The following MYOM3 variants were observed in gnomAD, a reference collection of about 807,000 sequenced individuals.
The protein encoded by MYOM3 is myomesin 3, also known as myomesin-3.
In MYOM3, 155 loss-of-function variants were observed where a neutral mutation model predicts 191.7. That is an observed-to-expected ratio of 0.81 (90% CI 0.71 to 0.92). The LOEUF is 0.92. MYOM3 is among the 40% of genes least tolerant of loss of function. The probability of loss-of-function intolerance (pLI) is 0.00; values close to 1 mark genes in which losing one functional copy is unlikely to be tolerated. For synonymous variants in MYOM3, 757 were observed against 762.9 expected (o/e 0.99, Z 0.13); for missense variants, 1,889 against 1,890.6 (o/e 1.00, Z 0.02).
rs1274389087 is a variant in MYOM3, at chr1:24,093,100, G to A, written c.937C>T (p.Leu313=). ...ATCTTCCGACGTCTCGAGGACCTCA[G>A]TAGGCTCCCTGTGGAGGGGAAGTGG... The part of the protein sequence containing the change: ...SIQWFRDGSL[L]RSSRRRKILY... The change falls in exon 10 of 37, where the codon CTG becomes TTG. Residue 313 remains leucine, a synonymous_variant. Transcript: ENST00000374434. 1 of 1,608,428 alleles carries A rather than the reference G, an allele frequency of 6.2e-7. No homozygotes were observed.
At chr1:24,089,102 T>G (rs1464613194) in intron 14 of MYOM3, among the ~76,000 whole-genome samples, 1 of 152,192 alleles carries the variant, frequency 6.6e-6, no homozygotes, top group African/African-American at 2.4e-5. Flanking sequence ...CTCCTAGTGC[T>G]AATCACACCA....
rs1167055831 is a variant in MYOM3, at chr1:24,092,964, G to A, written c.1073C>T (p.Thr358Ile). ...GCCCTCACCTCTCACAAGCACGTAG[G>A]TGCTCTGTTCCCGGGGTCCGAAGGG... is the stretch of plus-strand genomic sequence containing the variant. Reference protein sequence around the residue: ...PSPFGPREQSTYVLVRDAEAE... With the variant: ...PSPFGPREQSIYVLVRDAEAE... Residue 358 changes from threonine (T) to isoleucine (I), a missense_variant, in exon 10 of 37, where the codon ACC (threonine) becomes ATC (isoleucine). Coordinates refer to ENST00000374434, the MANE Select transcript of MYOM3 (RefSeq NM_152372.4). 1 of 1,594,280 alleles carries A rather than the reference G, an allele frequency of 6.3e-7. No individual in the cohort carries two copies. Among genetic ancestry groups the A allele is most frequent in the Non-Finnish European group, 8.5e-7 (1 of 1,171,956 alleles).
intron 21 of MYOM3, 59 bp from the exon 22 acceptor site, chr1:24,075,534 C>A (rs1361418477): frequency 1.0e-5 from 15 of 1,487,250 alleles, no homozygotes; most frequent in Non-Finnish European, 1.3e-5. Context: ...CCAGGTCACA[C>A]CCCTCCCCTG....
At chr1:24,072,862 C>T (rs1392310032) in intron 23 of MYOM3, among the ~76,000 whole-genome samples, 4 of 152,144 alleles carry the variant, frequency 2.6e-5, no homozygotes, top group Admixed American at 6.6e-5. Context: ...TGTTGCCTTT[C>T]CTGCTAAGGC....
intron 27 of MYOM3, 131 bp from the exon 28 acceptor site, chr1:24,067,219 G>T: frequency 1.2e-6 from 1 of 844,604 alleles, no homozygotes; most frequent in South Asian, 1.8e-5. Flanking sequence ...CTCTGCCAGG[G>T]CTGGGACTGG....
chr1:24,105,071 C>T (rs1350266147), intron 5 of MYOM3, among the ~76,000 whole-genome samples: 3 of 152,162 alleles, frequency 2.0e-5, no homozygotes, highest in Non-Finnish European at 4.4e-5. Context: ...GCAGGAGACC[C>T]CTGCCCCTGC....
chr1:24,107,892 A>T, intron 3 of MYOM3, 101 bp downstream of exon 3: 1 of 997,026 alleles, frequency 1.0e-6, no homozygotes, highest in Non-Finnish European at 1.5e-6. Flanking sequence ...GATTTTGGGC[A>T]GGTTCTTTAC....
rs1312840523 is a variant in MYOM3, at chr1:24,082,550, C to T, written c.2092+43G>A. 9.2e-6 allele frequency: 14 copies of T among 1,525,568 alleles called. No homozygotes were observed. The African/African-American group carries it at 1.8e-4, about 20-fold the overall frequency. The allele number at this position is 1,525,568 out of a possible 1,614,324, so 94.5% of individuals were successfully genotyped here. ...GATCTATGAGCCCCAGCTCCCTGCCCAGCCCAGGGAGGTTTGCAGGCTGGA... is the reference window on the plus strand; with the variant it reads ...GATCTATGAGCCCCAGCTCCCTGCCTAGCCCAGGGAGGTTTGCAGGCTGGA... On this transcript the variant is annotated intron_variant, in intron 17 of 36. Coordinates refer to ENST00000374434, the MANE Select transcript of MYOM3 (RefSeq NM_152372.4).
chr1:24,108,264 G>C, intron 2 of MYOM3, 191 bp from the exon 3 acceptor site: 1 of 739,796 alleles, frequency 1.4e-6, no homozygotes, highest in Non-Finnish European at 2.2e-6. Context: ...CCTCAAACAG[G>C]GTTTCCAGAG....
At chr1:24,058,690 C>G (rs1342347491) in intron 36 of MYOM3, among the ~76,000 whole-genome samples, 1 of 152,146 alleles carries the variant, frequency 6.6e-6, no homozygotes, top group Non-Finnish European at 1.5e-5. Flanking sequence ...AGGTAGAAGT[C>G]TAGGATGCCC....
rs1029380629 is a variant in MYOM3 at position 24,111,185 on chromosome 1, G to A, written c.-19+846C>T. 5.3e-5 allele frequency among the ~76,000 whole-genome samples: 8 copies of A among 152,222 alleles called. No homozygotes were observed. The highest frequency in any genetic ancestry group is 9.6e-5 in the African/African-American group (4 of 41,456). Reference sequence around the variant, plus strand: ...TTCCCGGAACACTGTGTGTGCCTGCGTGGAGGGGAAACTGCCCCCGCTTCC... The same window carrying A: ...TTCCCGGAACACTGTGTGTGCCTGCATGGAGGGGAAACTGCCCCCGCTTCC... On this transcript the variant is annotated intron_variant, in intron 1 of 36. Coordinates refer to ENST00000374434, the MANE Select transcript of MYOM3 (RefSeq NM_152372.4). This position sits in a 1 kb window ranked among gnomAD's most constrained non-coding sequence, Gnocchi z 4.7.
rs762853974 is a variant in MYOM3, at chr1:24,066,016, G to A, written c.3424-15C>T. ...GTGTTGGTCACCTGGGGAAGGTGGG[G>A]AATGAGGAGACTCTGTCAGGCTTGT... On this transcript the variant is annotated splice_polypyrimidine_tract_variant and intron_variant, in intron 28 of 36. Transcript: ENST00000374434. 3.3e-6 allele frequency: 5 copies of A among 1,518,994 alleles called. No individual in the cohort carries two copies. The Admixed American group carries it at 6.7e-5, about 20-fold the overall frequency. The allele number at this position is 1,518,994 out of a possible 1,614,324, so 94.1% of individuals were successfully genotyped here.
chr1:24,065,539 G>T (rs1268374220), intron 29 of MYOM3, among the ~76,000 whole-genome samples: 2 of 152,192 alleles, frequency 1.3e-5, no homozygotes, highest in African/African-American at 2.4e-5. Context: ...CGCTCATGTT[G>T]CAGATGAAAG....
intron 5 of MYOM3, among the ~76,000 whole-genome samples, chr1:24,104,843 T>C (rs1215300197): frequency 6.6e-6 from 1 of 152,220 alleles, no homozygotes; most frequent in African/African-American, 2.4e-5. Flanking sequence ...TGTTTGGTTA[T>C]TTGTGTGCCC....
intron 2 of MYOM3, 191 bp from the exon 3 acceptor site, chr1:24,108,264 G>T: frequency 1.4e-6 from 1 of 739,796 alleles, no homozygotes; most frequent in South Asian, 1.9e-5. Flanking sequence ...CCTCAAACAG[G>T]GTTTCCAGAG....
At position 24,060,127 on chromosome 1, in the gene MYOM3, A is replaced by G. The variant is rs377726496; in HGVS notation, c.3994+933T>C. Among the ~76,000 whole-genome samples, 382 of 152,272 alleles carry G rather than the reference A, an allele frequency of 2.5e-3. 1 individual carries two copies. The highest frequency in any genetic ancestry group is 4.5e-3 in the Non-Finnish European group (306 of 68,008). The stretch of plus-strand genomic sequence containing the variant: ...GCTTCTGTTCAGGATGACGCATTCC[A>G]CTATGGGCAGGGACATTCTCACTGG... On this transcript the variant is annotated intron_variant, in intron 35 of 36. Coordinates refer to ENST00000374434, the MANE Select transcript of MYOM3 (RefSeq NM_152372.4).
chr1:24,084,682 A>G lies in MYOM3; in HGVS notation c.1799-43T>C, dbSNP rs552034194. ...GGGCTGAATGAGAAGGCTGAGTTAC[A>G]TGGGTCTGACAGGCTGGGGAAGGGG... is the stretch of plus-strand genomic sequence containing the variant. On this transcript the variant is annotated intron_variant, in intron 15 of 36. Transcript: ENST00000374434. The G allele has an allele frequency of 2.6e-5, 41 of 1,561,072 alleles. No homozygotes were observed. In the Admixed American group the frequency reaches 5.2e-4, roughly 20 times the overall value.
rs755805553 is a variant in MYOM3 at position 24,099,747 on chromosome 1, G to A, written c.589C>T (p.Arg197Cys). The stretch of plus-strand genomic sequence containing the variant: ...CGGTATTTTCCGGCACGAAAGAGGC[G>A]GGGATCAATCCGTGTGTCATTTTTG... ...WYKNDTRIDP[R>C]LFRAGKYRIT... is the part of the protein sequence containing the mutation. Residue 197 changes from arginine to cysteine, a missense_variant, in exon 6 of 37, where the codon CGC becomes TGC. Coordinates refer to ENST00000374434, the MANE Select transcript of MYOM3 (RefSeq NM_152372.4). 3.4e-5 allele frequency: 55 copies of A among 1,613,954 alleles called. No individual in the cohort carries two copies. Among genetic ancestry groups the A allele is most frequent in the East Asian group, 4.5e-5 (2 of 44,886 alleles).
At chr1:24,089,250 C>T (rs1346110125) in intron 14 of MYOM3, among the ~76,000 whole-genome samples, 2 of 152,108 alleles carry the variant, frequency 1.3e-5, no homozygotes, top group Non-Finnish European at 2.9e-5. Context: ...CAGGGAGGTA[C>T]CCAGGAAGTG....
Sources: allele counts gnomAD v4.1 joint callset (sites outside exome capture counted in the v4.1 genomes callset), GRCh38; gene constraint gnomAD v4.1.1; non-coding constraint Gnocchi (gnomAD v3.1); transcripts MANE v1.5; gene names NCBI Gene and HGNC (gene_info 2026-07-23, HGNC 2026-07-21).